EVL: variants seen among roughly 807,000 people sequenced by gnomAD.
The protein encoded by EVL is ena/VASP-like protein.
EVL carries 21 observed loss-of-function variants against 59.6 expected under a neutral mutation model. The observed-to-expected ratio is 0.35, with a 90% CI of 0.25 to 0.51. EVL has a LOEUF of 0.51. EVL is among the 20% of genes least tolerant of loss of function. The pLI is 0.97. For missense variants in EVL, 462 were observed against 546.6 expected, an observed-to-expected ratio of 0.85 and a Z score of 1.54; for synonymous variants, 198 against 203.5, an observed-to-expected ratio of 0.97 and a Z score of 0.23.
intron 1 of EVL, among the ~76,000 whole-genome samples, chr14:100,016,079 A>C (rs1432023961): frequency 4.0e-5 from 4 of 99,084 alleles, no homozygotes; most frequent in East Asian, 4.1e-4. Context: ...ACTCTGTCTC[A>C]AAAAAAAAAA....
At chr14:100,056,903 A>G (rs1036318755) in intron 1 of EVL, among the ~76,000 whole-genome samples, 8 of 131,914 alleles carry the variant, frequency 6.1e-5, no homozygotes, top group Admixed American at 7.6e-5. Context: ...ACAATTGATT[A>G]TAAAAGATGA....
At chr14:100,090,819 C>T (rs1376540347) in intron 2 of EVL, among the ~76,000 whole-genome samples, 1 of 152,106 alleles carries the variant, frequency 6.6e-6, no homozygotes, top group African/African-American at 2.4e-5. Flanking sequence ...AAAACCATAG[C>T]TGACGTCATA....
chr14:100,132,617 T>C, intron 7 of EVL, 102 bp from the exon 8 acceptor site: 7 of 1,310,720 alleles, frequency 5.3e-6, no homozygotes, highest in Non-Finnish European at 7.7e-6. Context: ...CACAGGTTTA[T>C]CTGAGGACCG....
chr14:99,990,015 C>T (rs768359712), intron 1 of EVL, among the ~76,000 whole-genome samples: 27 of 152,154 alleles, frequency 1.8e-4, no homozygotes, highest in Admixed American at 3.3e-4. Context: ...CAAAACAACA[C>T]CCAAGAATTA....
chr14:100,087,456 A>AT (rs1482769793), intron 2 of EVL, among the ~76,000 whole-genome samples: 4 of 152,130 alleles, frequency 2.6e-5, no homozygotes, highest in African/African-American at 9.7e-5. Flanking sequence ...TCTATAAAAA[A>AT]ATATATAAAT....
intron 1 of EVL, among the ~76,000 whole-genome samples, chr14:100,053,175 G>T (rs1281304223): frequency 6.6e-6 from 1 of 152,170 alleles, no homozygotes; most frequent in African/African-American, 2.4e-5. Context: ...AATTTTGGGG[G>T]CCACAGTCAG....
Position 100,092,739 on chromosome 14 carries a change from AAAAC to A in EVL, c.181-4726_181-4723del, listed in dbSNP as rs549428145. The stretch of plus-strand genomic sequence containing the variant: ...GACAGGAGCGAAACTCCATCTCAAA[AAAAC>A]AAACAAACAAACAAAAAGAATGAAA... On this transcript the variant is annotated intron_variant, in intron 2 of 13. Coordinates refer to ENST00000392920, the MANE Select transcript of EVL (RefSeq NM_016337.3). 2.6e-3 allele frequency among the ~76,000 whole-genome samples: 401 copies of A among 152,314 alleles called. 3 individuals carry two copies. The highest frequency in any genetic ancestry group is 2.7e-3 in the Non-Finnish European group (187 of 68,022).
At chr14:100,107,541 C>G (rs1234960733) in intron 3 of EVL, 1 of 374,078 alleles carries the variant, frequency 2.7e-6, no homozygotes, top group Non-Finnish European at 4.7e-6. Flanking sequence ...CACTAGCATT[C>G]CCTCATGAAA....
At chr14:100,112,069 T>C (rs1887029440) in intron 3 of EVL, among the ~76,000 whole-genome samples, 1 of 152,238 alleles carries the variant, frequency 6.6e-6, no homozygotes, top group African/African-American at 2.4e-5. Flanking sequence ...CTGTTTTCTT[T>C]TTTCCTCGCG....
chr14:100,011,265 G>A (rs954922545), intron 1 of EVL, among the ~76,000 whole-genome samples: 1 of 152,182 alleles, frequency 6.6e-6, no homozygotes, highest in Non-Finnish European at 1.5e-5. Context: ...AAAGTCCACT[G>A]AAGGGACATA....
At chr14:100,000,136 G>A (rs2060936658) in intron 1 of EVL, among the ~76,000 whole-genome samples, 2 of 152,162 alleles carry the variant, frequency 1.3e-5, no homozygotes, top group South Asian at 2.1e-4. Context: ...TTGAGGACAC[G>A]TGTCCATCAC....
At position 100,037,402 on chromosome 14, in the gene EVL, TC is replaced by T. The variant is rs1424692433; in HGVS notation, c.6-47284del. On this transcript the variant is annotated intron_variant, in intron 1 of 13. Transcript: ENST00000402714. The stretch of plus-strand genomic sequence containing the variant: ...TGTTCAAGGCTTACCTTTTCCTCTT[TC>T]ATTCCCCCAGGTAGAGTTAATCTTC... Among the ~76,000 whole-genome samples the T allele has an allele frequency of 4.6e-5, 7 of 152,224 alleles. No individual in the cohort carries two copies. The East Asian group carries it at 1.3e-3, about 29-fold the overall frequency.
chr14:100,106,636 C>G (rs1365451116), intron 3 of EVL: 2 of 393,610 alleles, frequency 5.1e-6, no homozygotes, highest in Non-Finnish European at 4.5e-6. Flanking sequence ...GTTATGTAAT[C>G]TATGAATTTC....
At chr14:100,084,374 A>T (rs1227967202) in intron 1 of EVL, among the ~76,000 whole-genome samples, 1 of 152,162 alleles carries the variant, frequency 6.6e-6, no homozygotes, top group Non-Finnish European at 1.5e-5. Flanking sequence ...AGTACATGGA[A>T]TGTTGTGAAC....
intron 1 of EVL, among the ~76,000 whole-genome samples, chr14:99,993,674 T>C (rs1333214282): frequency 6.9e-6 from 1 of 145,046 alleles, no homozygotes; most frequent in East Asian, 2.0e-4. Context: ...TTTCAGATTG[T>C]TTCTTTCTTT....
At chr14:99,987,269 A>G (rs1327497375) in intron 1 of EVL, among the ~76,000 whole-genome samples, 4 of 152,182 alleles carry the variant, frequency 2.6e-5, no homozygotes, top group Non-Finnish European at 4.4e-5. Flanking sequence ...CCAAGATTAT[A>G]TTATTAAGAG....
chr14:100,004,715 G>A (rs896934508), intron 1 of EVL, among the ~76,000 whole-genome samples: 3 of 151,966 alleles, frequency 2.0e-5, no homozygotes, highest in African/African-American at 4.8e-5. Context: ...TTCTCTTTAA[G>A]CTTTCTTACC....
At chr14:100,034,647 A>G (rs2061362420) in intron 1 of EVL, among the ~76,000 whole-genome samples, 2 of 152,096 alleles carry the variant, frequency 1.3e-5, no homozygotes, top group Admixed American at 1.3e-4. Flanking sequence ...TGAGGCAAAA[A>G]AGATCATGTG....
At chr14:99,987,036 CAATA>C (rs1296232883) in intron 1 of EVL, among the ~76,000 whole-genome samples, 3 of 151,882 alleles carry the variant, frequency 2.0e-5, no homozygotes, top group Non-Finnish European at 4.4e-5. Flanking sequence ...CACAAATGAC[CAATA>C]AATAAATAAA....
Sources: gnomAD v4.1 joint callset for allele counts (sites outside exome capture counted in the v4.1 genomes callset) on GRCh38, gnomAD v4.1.1 for gene constraint, MANE v1.5 for transcripts, NCBI Gene and HGNC (gene_info 2026-07-23, HGNC 2026-07-21) for gene names.